Variants in CELF2 observed in about 807,000 individuals in gnomAD.
CELF2 encodes CUGBP Elav-like family member 2, also known as CUG triplet repeat RNA-binding protein 2.
CELF2 carries 8 observed loss-of-function variants against 62.6 expected under a neutral mutation model. That is an observed-to-expected ratio of 0.13 (90% CI 0.07 to 0.23). CELF2 has a LOEUF of 0.23. Ranked by LOEUF, CELF2 falls within the 10% of genes least tolerant of loss-of-function variation. The pLI, the probability that CELF2 is intolerant of heterozygous loss-of-function variation, is 1.00. For synonymous variants in CELF2, 258 were observed against 250.0 expected, an observed-to-expected ratio of 1.03 and a Z score of -0.30; for missense variants, 333 against 671.0, an observed-to-expected ratio of 0.50 and a Z score of 5.56.
the CELF2 span, among the ~76,000 whole-genome samples, chr10:10,705,544 C>T: frequency 5.3e-5 from 8 of 152,118 alleles, no homozygotes; most frequent in East Asian, 1.9e-4. Context: ...TAAAATTATA[C>T]GCAAAAATCT....
At chr10:10,514,015 A>G in the CELF2 span, among the ~76,000 whole-genome samples, 1 of 152,190 alleles carries the variant, frequency 6.6e-6, no homozygotes, top group Non-Finnish European at 1.5e-5. Context: ...GCAATGGAAG[A>G]GAGCCTTCCA....
chr10:11,114,057 C>A (rs1049814281), intron 1 of CELF2, among the ~76,000 whole-genome samples: 2 of 152,080 alleles, frequency 1.3e-5, no homozygotes, highest in African/African-American at 2.4e-5. Flanking sequence ...AAATCCAATT[C>A]TGGGAAATGC....
intron 1 of CELF2, among the ~76,000 whole-genome samples, chr10:11,122,814 A>C (rs927030760): frequency 9.9e-5 from 15 of 152,194 alleles, no homozygotes; most frequent in African/African-American, 3.6e-4. Context: ...AAACCTAGGA[A>C]ATTATTTTCA....
the CELF2 span, among the ~76,000 whole-genome samples, chr10:10,647,360 C>T: frequency 3.3e-5 from 5 of 152,208 alleles, no homozygotes; most frequent in Admixed American, 3.3e-4. Flanking sequence ...ACCCTCCCTG[C>T]CTTTACATAA....
chr10:11,005,291 A>AGAGG (rs1474064194), upstream of CELF2: 87 of 1,553,538 alleles, frequency 5.6e-5, no homozygotes, highest in Non-Finnish European at 6.5e-5. The surrounding 1 kb of genome is among the most constrained non-coding windows in gnomAD (Gnocchi z 4.3). Context: ...AGAGAGAGAG[A>AGAGG]GAGGGAGGAG....
the CELF2 span, among the ~76,000 whole-genome samples, chr10:10,479,626 AT>A: frequency 6.6e-6 from 1 of 152,154 alleles, no homozygotes; most frequent in African/African-American, 2.4e-5. Flanking sequence ...GTAGGGTCTG[AT>A]TGAAAGCTGT....
At chr10:11,131,989 TAAA>T (rs946064981) in intron 1 of CELF2, among the ~76,000 whole-genome samples, 7 of 152,218 alleles carry the variant, frequency 4.6e-5, no homozygotes, top group African/African-American at 1.7e-4. Context: ...CATTCATCAA[TAAA>T]ACCGTAATTT....
intron 9 of CELF2, among the ~76,000 whole-genome samples, chr10:11,307,631 T>G (rs1231440033): frequency 6.6e-6 from 1 of 152,196 alleles, no homozygotes; most frequent in Non-Finnish European, 1.5e-5. Flanking sequence ...CTTCCTCCGT[T>G]TAAATACAAT....
At chr10:10,623,873 C>T in the CELF2 span, among the ~76,000 whole-genome samples, 1 of 152,184 alleles carries the variant, frequency 6.6e-6, no homozygotes, top group African/African-American at 2.4e-5. Flanking sequence ...CAGAAGTGAA[C>T]TGCCCAGTGC....
rs190524837 is a variant in CELF2, at chr10:10,870,143, T to C, written c.54-49821T>C. Among the ~76,000 whole-genome samples, 272 of 152,278 alleles carry C rather than the reference T, an allele frequency of 1.8e-3. 2 individuals carry two copies. The highest frequency in any genetic ancestry group is 0.013 in the South Asian group (62 of 4,828). On this transcript the variant is annotated intron_variant, in intron 1 of 13. Transcript: ENST00000636488. ...ATGTTCATGTATTTTTATGAATTCTTAAGAAAAATCAGGAATGATGTCCAT... is the reference window on the plus strand; with the variant it reads ...ATGTTCATGTATTTTTATGAATTCTCAAGAAAAATCAGGAATGATGTCCAT...
intron 1 of CELF2, among the ~76,000 whole-genome samples, chr10:11,155,653 T>C (rs1162549743): frequency 6.6e-6 from 1 of 152,240 alleles, no homozygotes; most frequent in Non-Finnish European, 1.5e-5. Context: ...TACACTTGAA[T>C]GTAATAAATA....
At chr10:10,692,110 T>G in the CELF2 span, among the ~76,000 whole-genome samples, 3 of 150,098 alleles carry the variant, frequency 2.0e-5, no homozygotes, top group Non-Finnish European at 4.4e-5. Flanking sequence ...TGGTAATGCC[T>G]AGGTTTTCTT....
Position 10,808,118 on chromosome 10 carries a change from C to T in CELF2, c.53+9301C>T, listed in dbSNP as rs116899726. ...GCATTCATTATAAAAATAACACTAT[C>T]GACAAGAAAATGTGGTAGTTTCTGT... On this transcript the variant is annotated intron_variant, in intron 1 of 13. Coordinates refer to the CELF2 transcript ENST00000636488. Among the ~76,000 whole-genome samples the T allele has an allele frequency of 3.5e-3, 529 of 152,172 alleles. 1 individual carries two copies. Among genetic ancestry groups the T allele is most frequent in the Non-Finnish European group, 5.4e-3 (366 of 68,006 alleles).
chr10:10,780,789 C>G, the CELF2 span, among the ~76,000 whole-genome samples: 1 of 151,736 alleles, frequency 6.6e-6, no homozygotes, highest in African/African-American at 2.4e-5. Context: ...AACAGGGAAA[C>G]ACTTAAGCCA....
chr10:11,103,271 C>T (rs923526017), intron 1 of CELF2, among the ~76,000 whole-genome samples: 2 of 151,964 alleles, frequency 1.3e-5, no homozygotes, highest in Non-Finnish European at 2.9e-5. Flanking sequence ...AGCTTCTGTT[C>T]GTCATTCAAG....
chr10:11,077,474 C>T (rs1167707528), intron 1 of CELF2, among the ~76,000 whole-genome samples: 1 of 152,170 alleles, frequency 6.6e-6, no homozygotes, highest in Non-Finnish European at 1.5e-5. Flanking sequence ...GATCAAAATA[C>T]CAGAAGTAAT....
At chr10:11,141,205 C>G (rs964848598) in intron 1 of CELF2, among the ~76,000 whole-genome samples, 6 of 152,082 alleles carry the variant, frequency 3.9e-5, no homozygotes, top group Non-Finnish European at 7.4e-5. Context: ...AGCACAGTGC[C>G]CCCTAACCTA....
intron 1 of CELF2, among the ~76,000 whole-genome samples, chr10:11,076,574 C>A (rs549286729): frequency 6.6e-6 from 1 of 152,330 alleles, no homozygotes; most frequent in Admixed American, 6.5e-5. Context: ...TGATTGCCCA[C>A]TCACATTTCT....
the CELF2 span, among the ~76,000 whole-genome samples, chr10:10,604,289 G>T: frequency 6.6e-6 from 1 of 152,346 alleles, no homozygotes; most frequent in South Asian, 2.1e-4. Context: ...ATTTCGCATT[G>T]TTGCTGTGGT....
Sources: allele counts gnomAD v4.1 joint callset (sites outside exome capture counted in the v4.1 genomes callset), GRCh38; gene constraint gnomAD v4.1.1; non-coding constraint Gnocchi (gnomAD v3.1); transcripts MANE v1.5; gene names NCBI Gene and HGNC (gene_info 2026-07-23, HGNC 2026-07-21).